DOCK8: variants seen among roughly 807,000 people sequenced by gnomAD.
DOCK8 encodes the protein dedicator of cytokinesis 8, also known as dedicator of cytokinesis protein 8.
In DOCK8, 141 loss-of-function variants were observed where a neutral mutation model predicts 245.6. The ratio of observed to expected loss-of-function variants is 0.57; its 90% confidence interval spans 0.50 to 0.66. DOCK8 has a LOEUF of 0.66. Among genes scored for constraint, DOCK8 ranks in the 30% least tolerant of loss-of-function variants. DOCK8 has a pLI of 0.00. For synonymous variants in DOCK8, 1,168 were observed against 970.2 expected (o/e 1.20, Z -3.79); for missense variants, 2,965 against 2,603.4 (o/e 1.14, Z -3.02).
At chr9:218,087 T>A (rs981913816) in intron 1 of DOCK8, among the ~76,000 whole-genome samples, 11 of 152,218 alleles carry the variant, frequency 7.2e-5, no homozygotes, top group Non-Finnish European at 1.6e-4. Flanking sequence ...TTTTGCAATG[T>A]TGAAGGTGGA....
chr9:443,563 C>G, intron 43 of DOCK8, 47 bp downstream of exon 43: 1 of 1,437,934 alleles, frequency 7.0e-7, no homozygotes, highest in Non-Finnish European at 9.8e-7. Context: ...TAAATCCCTT[C>G]GTTCTCTACC....
chr9:353,150 A>C (rs2052257503), intron 14 of DOCK8, among the ~76,000 whole-genome samples: 1 of 152,188 alleles, frequency 6.6e-6, no homozygotes, highest in Admixed American at 6.5e-5. Context: ...TGATCTATGC[A>C]ATGACATGTA....
intron 26 of DOCK8, among the ~76,000 whole-genome samples, chr9:404,318 T>A (rs2055313451): frequency 6.6e-6 from 1 of 152,090 alleles, no homozygotes; most frequent in African/African-American, 2.4e-5. Context: ...TAAAAACTCT[T>A]CTAGCTTTCT....
At chr9:420,662 T>G in intron 31 of DOCK8, 79 bp downstream of exon 31, 1 of 1,571,050 alleles carries the variant, frequency 6.4e-7, no homozygotes, top group Non-Finnish European at 8.8e-7. Context: ...TCCCCTTTGT[T>G]TGGGCCATGG....
Position 317,139 on chromosome 9 carries a change from A to C in DOCK8, c.827+11A>C. On this transcript the variant is annotated intron_variant, in intron 7 of 47. Transcript: ENST00000432829. ...GTTGCTGACCTTGAAGTAAGTATCA[A>C]CAAACACACTGCCACCGCTTTGAGA... 1 of 1,584,910 alleles carries C rather than the reference A, an allele frequency of 6.3e-7. No individual in the cohort carries two copies. Among genetic ancestry groups the C allele is most frequent in the Non-Finnish European group, 8.7e-7 (1 of 1,153,352 alleles).
rs1430842529 is a variant in DOCK8 at position 414,823 on chromosome 9, G to A, written c.3572G>A (p.Ser1191Asn). 2.5e-6 allele frequency: 4 copies of A among 1,614,228 alleles called. No individual in the cohort carries two copies. The highest frequency in any genetic ancestry group is 1.7e-6 in the Non-Finnish European group (2 of 1,180,042). Residue 1191 changes from serine (S) to asparagine (N), a missense_variant, in exon 29 of 48, where the codon AGC becomes AAC. Ser to Asn is a conservative substitution (Grantham distance 46). Coordinates refer to ENST00000432829, the MANE Select transcript of DOCK8 (RefSeq NM_203447.4). ...AGGAAAGCTGTCAGTGCAATTCACA[G>A]CCTGCTAAGTTCTCACGACCTGGAC... ...VQRKAVSAIHSLLSSHDLDPR... is the reference protein window; with the variant it reads ...VQRKAVSAIHNLLSSHDLDPR...
intron 28 of DOCK8, among the ~76,000 whole-genome samples, chr9:412,396 C>A (rs1344581706): frequency 7.4e-6 from 1 of 134,430 alleles, no homozygotes; most frequent in Non-Finnish European, 1.5e-5. Context: ...CAGAGTAAGA[C>A]CCTGTCTCAA....
At chr9:416,759 T>C (rs931046493) in intron 29 of DOCK8, among the ~76,000 whole-genome samples, 2 of 152,228 alleles carry the variant, frequency 1.3e-5, no homozygotes, top group African/African-American at 4.8e-5. Flanking sequence ...GTGATAACGA[T>C]GTCTACCTTT....
At chr9:268,603 G>A (rs1003624174) in intron 1 of DOCK8, among the ~76,000 whole-genome samples, 1 of 152,198 alleles carries the variant, frequency 6.6e-6, no homozygotes, top group South Asian at 2.1e-4. Flanking sequence ...CCACTCTGGT[G>A]TATAATAGGA....
rs761037422 is a variant in DOCK8, at chr9:312,226, C to T, written c.741+60C>T. 1.1e-5 allele frequency: 18 copies of T among 1,574,214 alleles called. 1 individual carries two copies. The Admixed American group carries it at 2.3e-4, about 20-fold the overall frequency. On this transcript the variant is annotated intron_variant, in intron 6 of 47. Coordinates refer to ENST00000432829, the MANE Select transcript of DOCK8 (RefSeq NM_203447.4). ...GTGAAGACTCTGAGAGTCATGTGGA[C>T]AATTGTGTTGTTCATTATTACTATA... is the stretch of plus-strand genomic sequence containing the variant.
chr9:309,780 C>G (rs1298655579), intron 5 of DOCK8, among the ~76,000 whole-genome samples: 1 of 152,198 alleles, frequency 6.6e-6, no homozygotes, highest in Non-Finnish European at 1.5e-5. Flanking sequence ...GCTTTGGTGT[C>G]TATACACAAT....
chr9:403,876 C>CT (rs1564020873), intron 26 of DOCK8, among the ~76,000 whole-genome samples: 1 of 88,736 alleles, frequency 1.1e-5, no homozygotes, highest in Non-Finnish European at 1.9e-5. Flanking sequence ...CTCTCTCTCT[C>CT]TCTCTCTCTC....
chr9:286,666 T>C, intron 3 of DOCK8, 30 bp downstream of exon 3: 1 of 1,609,574 alleles, frequency 6.2e-7, no homozygotes, highest in South Asian at 1.1e-5. Context: ...GTAGATGTGA[T>C]TGGGATTGTC....
chr9:317,330 C>A (rs2050390788), intron 7 of DOCK8, among the ~76,000 whole-genome samples: 1 of 152,094 alleles, frequency 6.6e-6, no homozygotes, highest in South Asian at 2.1e-4. Flanking sequence ...GGTCATTCTT[C>A]TACAATAGAG....
intron 11 of DOCK8, among the ~76,000 whole-genome samples, chr9:334,790 ACT>A (rs1286899123): frequency 1.3e-5 from 2 of 151,932 alleles, no homozygotes; most frequent in Non-Finnish European, 2.9e-5. Context: ...AAAAAGCAAA[ACT>A]CAACAGGAAC....
chr9:288,704 G>C (rs191469384), intron 3 of DOCK8, among the ~76,000 whole-genome samples: 28 of 152,274 alleles, frequency 1.8e-4, no homozygotes, highest in Non-Finnish European at 3.8e-4. Flanking sequence ...GGCACAGAAG[G>C]GTTGAGTGAC....
chr9:287,496 C>G (rs1379982535), intron 3 of DOCK8, among the ~76,000 whole-genome samples: 2 of 152,212 alleles, frequency 1.3e-5, no homozygotes, highest in Admixed American at 1.3e-4. Context: ...AAGATCCTGA[C>G]ACACAGCCCC....
chr9:464,060 TG>T, intron 47 of DOCK8, 98 bp from the exon 48 acceptor site: 1 of 1,014,514 alleles, frequency 9.9e-7, no homozygotes, highest in East Asian at 2.4e-5. Context: ...CCATTTCTAC[TG>T]GGTGATCCAC....
chr9:304,652 C>T lies in DOCK8; in HGVS notation c.476C>T (p.Pro159Leu), dbSNP rs537605467. Residue 159 changes from proline (P) to leucine (L), a missense_variant, in exon 5 of 48, where the codon CCG (proline) becomes CTG (leucine). Physicochemically the swap from Pro to Leu is moderately conservative, Grantham distance 98. Transcript: ENST00000432829. The stretch of plus-strand genomic sequence containing the variant: ...CGAAAAGATTTTCACAAGACGCTTC[C>T]GAAACAGACGTTTGAGTCGGAAACC... Reference protein sequence around the residue: ...GSRKDFHKTLPKQTFESETLE... With the variant: ...GSRKDFHKTLLKQTFESETLE... 3.5e-5 allele frequency: 56 copies of T among 1,614,162 alleles called. No individual in the cohort carries two copies. Among genetic ancestry groups the T allele is most frequent in the Admixed American group, 3.2e-4 (19 of 60,028 alleles).
Sources: gnomAD v4.1 joint callset for allele counts (sites outside exome capture counted in the v4.1 genomes callset) on GRCh38, gnomAD v4.1.1 for gene constraint, MANE v1.5 for transcripts, NCBI Gene and HGNC (gene_info 2026-07-23, HGNC 2026-07-21) for gene names.